MARCHF1: variants seen among roughly 807,000 people sequenced by gnomAD.
MARCHF1 encodes the protein membrane associated ring-CH-type finger 1, also known as E3 ubiquitin-protein ligase MARCHF1.
Under a neutral mutation model 54.2 loss-of-function variants are expected in MARCHF1, and 40 were observed. The observed-to-expected ratio is 0.74, with a 90% CI of 0.57 to 0.96. The LOEUF (loss-of-function observed/expected upper bound fraction) is 0.96. MARCHF1 is among the 40% of genes least tolerant of loss of function. The pLI is 0.00. For missense variants in MARCHF1, 586 were observed against 656.5 expected (o/e 0.89, Z 1.17); for synonymous variants, 236 against 236.3 (o/e 1.00, Z 0.01).
At chr4:163,872,219 C>A (rs1750183605) in intron 3 of MARCHF1, among the ~76,000 whole-genome samples, 1 of 152,174 alleles carries the variant, frequency 6.6e-6, no homozygotes, top group Non-Finnish European at 1.5e-5. Flanking sequence ...TGTTCTGGGG[C>A]TATCTGAGCA....
In MARCHF1 at chr4:163,598,587, C is replaced by T. The variant is rs564184256; in HGVS notation, c.1011-12658G>A. ...AATACTGTGGACAGTTGTAACACAACGATAAGTATTTGAGCAACTAAACAT... is the reference window on the plus strand; with the variant it reads ...AATACTGTGGACAGTTGTAACACAATGATAAGTATTTGAGCAACTAAACAT... On this transcript the variant is annotated intron_variant, in intron 7 of 9. Coordinates refer to ENST00000514618, the MANE Select transcript of MARCHF1 (RefSeq NM_001394959.1). Among the ~76,000 whole-genome samples, 23 of 152,202 alleles carry T rather than the reference C, an allele frequency of 1.5e-4. No homozygotes were observed. The South Asian group carries it at 2.3e-3, about 15-fold the overall frequency.
intron 2 of MARCHF1, among the ~76,000 whole-genome samples, chr4:164,085,121 G>A (rs1755169193): frequency 6.6e-6 from 1 of 151,628 alleles, no homozygotes; most frequent in Non-Finnish European, 1.5e-5. Context: ...CATAATCTAA[G>A]TTGACATATA....
In MARCHF1 at chr4:163,594,938, C is replaced by T. The variant is rs375951299; in HGVS notation, c.1011-9009G>A. On this transcript the variant is annotated intron_variant, in intron 7 of 9. Coordinates refer to ENST00000514618, the MANE Select transcript of MARCHF1 (RefSeq NM_001394959.1). Reference sequence around the variant, plus strand: ...TAGAAATACCATATGAGCGAGCAATCCCACGTCTAAGTATCCAGAAGAATT... The same window carrying T: ...TAGAAATACCATATGAGCGAGCAATTCCACGTCTAAGTATCCAGAAGAATT... 1.3e-3 allele frequency among the ~76,000 whole-genome samples: 194 copies of T among 152,268 alleles called. 2 individuals carry two copies. The highest frequency in any genetic ancestry group is 9.3e-3 in the South Asian group (45 of 4,826).
At chr4:164,358,512 AT>A (rs1292813319) in intron 1 of MARCHF1, among the ~76,000 whole-genome samples, 2 of 152,212 alleles carry the variant, frequency 1.3e-5, no homozygotes, top group Non-Finnish European at 2.9e-5. Flanking sequence ...GATATCTGAA[AT>A]TAGTTTTACA....
chr4:164,274,355 T>C (rs1424795893), intron 1 of MARCHF1, among the ~76,000 whole-genome samples: 1 of 152,152 alleles, frequency 6.6e-6, no homozygotes, highest in African/African-American at 2.4e-5. Flanking sequence ...ATATCAAAAA[T>C]GGCTTAAGCC....
intron 3 of MARCHF1, among the ~76,000 whole-genome samples, chr4:163,966,876 C>T (rs77737593): frequency 0.021 from 3,191 of 152,176 alleles, 56 homozygotes; most frequent in African/African-American, 0.045. Context: ...CGATTGCAGA[C>T]ATGTAAAACA....
chr4:163,938,772 CCTT>C (rs1183113252), intron 3 of MARCHF1, among the ~76,000 whole-genome samples: 16 of 152,074 alleles, frequency 1.1e-4, no homozygotes, highest in African/African-American at 3.9e-4. Context: ...GCAAAAACAT[CCTT>C]CTTTATATTG....
At chr4:163,760,666 T>C (rs560698250) in intron 4 of MARCHF1, among the ~76,000 whole-genome samples, 64 of 152,326 alleles carry the variant, frequency 4.2e-4, no homozygotes, top group African/African-American at 1.3e-3. Context: ...TTGGGTATTA[T>C]TACAATGTAC....
chr4:164,381,112 G>A lies in MARCHF1; in HGVS notation c.-323+2758C>T, dbSNP rs116225178. On this transcript the variant is annotated intron_variant, in intron 1 of 9. Coordinates refer to ENST00000514618, the MANE Select transcript of MARCHF1 (RefSeq NM_001394959.1). ...CCAGTGTCCTGACATCATGTTTTTC[G>A]GTGACCTTGGAACATCACTATTGCC... 3.6e-3 allele frequency among the ~76,000 whole-genome samples: 550 copies of A among 152,128 alleles called. 4 individuals carry two copies. The highest frequency in any genetic ancestry group is 0.012 in the African/African-American group (518 of 41,494).
intron 2 of MARCHF1, among the ~76,000 whole-genome samples, chr4:164,032,121 G>T (rs1753890001): frequency 6.6e-6 from 1 of 152,188 alleles, no homozygotes; most frequent in Admixed American, 6.5e-5. Flanking sequence ...TATTTGCATA[G>T]TGGTGTTTAT....
At chr4:164,348,891 G>A (rs781625891) in intron 1 of MARCHF1, among the ~76,000 whole-genome samples, 22 of 152,132 alleles carry the variant, frequency 1.4e-4, no homozygotes, top group Non-Finnish European at 2.8e-4. Flanking sequence ...GAATTAGCCA[G>A]ATAAGCTCCC....
chr4:163,567,554 G>A (rs1451137104), intron 8 of MARCHF1, among the ~76,000 whole-genome samples: 1 of 152,178 alleles, frequency 6.6e-6, no homozygotes, highest in Non-Finnish European at 1.5e-5. Context: ...ATTGAATCAT[G>A]GGGGTGGGTA....
chr4:163,864,403 A>G (rs1003123021), intron 3 of MARCHF1, among the ~76,000 whole-genome samples: 1 of 152,024 alleles, frequency 6.6e-6, no homozygotes, highest in Non-Finnish European at 1.5e-5. Flanking sequence ...TGTCACGGAC[A>G]TGAAAAGCAA....
rs374616182 is a variant in MARCHF1, at chr4:163,601,043, T to C, written c.1010+11228A>G. Among the ~76,000 whole-genome samples, 8 of 152,254 alleles carry C rather than the reference T, an allele frequency of 5.3e-5. No individual in the cohort carries two copies. The East Asian group carries it at 9.6e-4, about 18-fold the overall frequency. On this transcript the variant is annotated intron_variant, in intron 7 of 9. Coordinates refer to ENST00000514618, the MANE Select transcript of MARCHF1 (RefSeq NM_001394959.1). ...AGTGCTAAGAGCAAAAGAAAACTCG[T>C]TGAGGTTGCTGCAGGGGCATTTTAA...
At chr4:163,865,742 T>C (rs1750033708) in intron 3 of MARCHF1, among the ~76,000 whole-genome samples, 1 of 151,840 alleles carries the variant, frequency 6.6e-6, no homozygotes, top group South Asian at 2.1e-4. Context: ...GGTGTTTTAT[T>C]ATTTAATATA....
intron 1 of MARCHF1, among the ~76,000 whole-genome samples, chr4:164,286,086 T>C (rs1734141794): frequency 6.6e-6 from 1 of 152,010 alleles, no homozygotes; most frequent in African/African-American, 2.4e-5. Context: ...TAAACCAAAA[T>C]AGCTCCAACA....
chr4:164,013,018 G>T (rs10006920), intron 2 of MARCHF1, among the ~76,000 whole-genome samples: 5,150 of 152,126 alleles, frequency 0.034, 213 homozygotes, highest in East Asian at 0.17. Context: ...AGAACACTCA[G>T]GAAAACATGA....
At chr4:164,270,709 T>C (rs1733724568) in intron 1 of MARCHF1, among the ~76,000 whole-genome samples, 1 of 152,192 alleles carries the variant, frequency 6.6e-6, no homozygotes, top group Admixed American at 6.5e-5. Flanking sequence ...AACTCAATAT[T>C]CGTGCATGCC....
intron 1 of MARCHF1, among the ~76,000 whole-genome samples, chr4:164,204,916 G>T (rs569967150): frequency 6.6e-6 from 1 of 152,212 alleles, no homozygotes; most frequent in African/African-American, 2.4e-5. Context: ...TCAGCATTTT[G>T]ATGTCTCTGT....
Sources: gnomAD v4.1 joint callset for allele counts (sites outside exome capture counted in the v4.1 genomes callset) on GRCh38, gnomAD v4.1.1 for gene constraint, MANE v1.5 for transcripts, NCBI Gene and HGNC (gene_info 2026-07-23, HGNC 2026-07-21) for gene names.